Variants in TMEM114 observed in about 807,000 individuals in gnomAD.
TMEM114 encodes the protein claudin-26.
Under a neutral mutation model 6.2 loss-of-function variants are expected in TMEM114, and 6 were observed. The observed-to-expected ratio is 0.97, with a 90% CI of 0.53 to 1.91. The LOEUF is 1.91. TMEM114 is among the 40% of genes most tolerant of loss of function. The pLI is 0.01. For missense variants in TMEM114, 218 were observed against 158.3 expected (o/e 1.38, Z -2.02); for synonymous variants, 104 against 73.0 (o/e 1.42, Z -2.16).
At chr16:8,570,329 T>TC (rs1432181568) in intron 3 of TMEM114, among the ~76,000 whole-genome samples, 1 of 151,530 alleles carries the variant, frequency 6.6e-6, no homozygotes, top group East Asian at 1.9e-4. Context: ...TGTGTAATTT[T>TC]TTTTTAGACA....
At chr16:8,579,438 A>C (rs1902058772) in intron 2 of TMEM114, among the ~76,000 whole-genome samples, 1 of 151,980 alleles carries the variant, frequency 6.6e-6, no homozygotes, top group African/African-American at 2.4e-5. Flanking sequence ...CTGGTAAGGC[A>C]GTAGCTTTTA....
chr16:8,535,827 C>A (rs114024271), downstream of TMEM114, among the ~76,000 whole-genome samples: 43 of 152,300 alleles, frequency 2.8e-4, no homozygotes, highest in African/African-American at 9.4e-4. Flanking sequence ...ACACAAAGGG[C>A]TGAGAATCAC....
At chr16:8,553,167 G>A (rs1464764801) in intron 2 of TMEM114, among the ~76,000 whole-genome samples, 4 of 152,170 alleles carry the variant, frequency 2.6e-5, no homozygotes, top group Non-Finnish European at 5.9e-5. Flanking sequence ...TCATTCCTCT[G>A]GTCTGAGAAA....
chr16:8,569,008 G>T (rs576491650), downstream of TMEM114, among the ~76,000 whole-genome samples: 2 of 152,304 alleles, frequency 1.3e-5, no homozygotes, highest in South Asian at 4.1e-4. Context: ...TGAGTTTTTG[G>T]GCTTCACCCA....
intron 2 of TMEM114, among the ~76,000 whole-genome samples, chr16:8,553,254 C>T (rs1328895669): frequency 6.6e-6 from 1 of 152,194 alleles, no homozygotes; most frequent in Non-Finnish European, 1.5e-5. Flanking sequence ...ATTTAATGGG[C>T]ATTCTTTCAT....
intron 2 of TMEM114, among the ~76,000 whole-genome samples, chr16:8,585,458 T>C (rs1371723803): frequency 6.6e-6 from 1 of 152,126 alleles, no homozygotes; most frequent in African/African-American, 2.4e-5. Flanking sequence ...CCAGGATTTA[T>C]CTAGGAGGCT....
intron 2 of TMEM114, among the ~76,000 whole-genome samples, chr16:8,572,659 C>T (rs894927233): frequency 6.6e-6 from 1 of 152,204 alleles, no homozygotes; most frequent in African/African-American, 2.4e-5. Context: ...TGGTCTCAAA[C>T]TCCTGGGCCC....
chr16:8,551,319 C>G (rs1442336674), intron 2 of TMEM114, among the ~76,000 whole-genome samples: 1 of 152,206 alleles, frequency 6.6e-6, no homozygotes, highest in Non-Finnish European at 1.5e-5. Context: ...ATAAGTTAGT[C>G]AGACACCATG....
chr16:8,563,596 T>TGC (rs1901374104), intron 2 of TMEM114, among the ~76,000 whole-genome samples: 1 of 97,422 alleles, frequency 1.0e-5, no homozygotes. Flanking sequence ...TGAATGAGTG[T>TGC]GTGAATGAGT....
downstream of TMEM114, among the ~76,000 whole-genome samples, chr16:8,567,964 C>G (rs994966597): frequency 6.6e-5 from 10 of 152,270 alleles, no homozygotes; most frequent in East Asian, 1.9e-3. Flanking sequence ...TGCGCCTTTC[C>G]GGATTAGACA....
At chr16:8,550,384 A>G (rs1240907969) in intron 2 of TMEM114, among the ~76,000 whole-genome samples, 3 of 152,196 alleles carry the variant, frequency 2.0e-5, no homozygotes, top group Non-Finnish European at 4.4e-5. Context: ...TGGAATCTAA[A>G]ATCTGGTCCC....
chr16:8,564,881 G>C (rs1345369221), downstream of TMEM114, among the ~76,000 whole-genome samples: 2 of 36,894 alleles, frequency 5.4e-5, no homozygotes, highest in African/African-American at 2.5e-4. Flanking sequence ...GAGGGAGGGA[G>C]TGAATGAGTG....
rs11864067 is a variant in TMEM114, at chr16:8,541,960, C to T, written n.213-4134G>A. 3.9e-3 allele frequency among the ~76,000 whole-genome samples: 589 copies of T among 152,216 alleles called. 2 individuals are homozygous for T. The highest frequency in any genetic ancestry group is 0.014 in the African/African-American group (567 of 41,512). On this transcript the variant is annotated intron_variant and non_coding_transcript_variant, in intron 2 of 2. Transcript: ENST00000623677. The stretch of plus-strand genomic sequence containing the variant: ...GCTTAGAGAGATGTAGCACAGTGGC[C>T]CCATATGAACTTTACCTCTAAGGGA...
At chr16:8,572,856 T>C (rs1485701052) in intron 2 of TMEM114, among the ~76,000 whole-genome samples, 1 of 152,168 alleles carries the variant, frequency 6.6e-6, no homozygotes, top group African/African-American at 2.4e-5. Context: ...TGGCAGTGGT[T>C]TGGGCCTTGG....
At chr16:8,557,446 T>C (rs1257162321) in intron 2 of TMEM114, among the ~76,000 whole-genome samples, 1 of 152,166 alleles carries the variant, frequency 6.6e-6, no homozygotes. Flanking sequence ...CTCCACTGCC[T>C]GCTGTTCCAG....
At chr16:8,571,935 A>G (rs547667451) in intron 3 of TMEM114, among the ~76,000 whole-genome samples, 152 bp downstream of exon 3, 49 of 152,256 alleles carry the variant, frequency 3.2e-4, no homozygotes, top group East Asian at 7.7e-4. Context: ...CTGGGCTGGA[A>G]ACCACTCATC....
At chr16:8,551,033 C>G (rs560917141) in intron 2 of TMEM114, among the ~76,000 whole-genome samples, 1 of 152,320 alleles carries the variant, frequency 6.6e-6, no homozygotes, top group African/African-American at 2.4e-5. Flanking sequence ...GCAAAGGTGA[C>G]AGAGGTCTCC....
chr16:8,548,049 A>C (rs114290396), intron 2 of TMEM114, among the ~76,000 whole-genome samples: 11,610 of 152,196 alleles, frequency 0.076, 539 homozygotes, highest in Middle Eastern at 0.18. Context: ...TTTCATGAGG[A>C]AAGGGAAAGT....
chr16:8,548,012 C>G (rs538766542), intron 2 of TMEM114, among the ~76,000 whole-genome samples: 1 of 152,086 alleles, frequency 6.6e-6, no homozygotes, highest in Non-Finnish European at 1.5e-5. Flanking sequence ...AAGACTCTGG[C>G]CAAAACATTT....
Sources: allele counts gnomAD v4.1 joint callset (sites outside exome capture counted in the v4.1 genomes callset), GRCh38; gene constraint gnomAD v4.1.1; transcripts MANE v1.5; gene names NCBI Gene and HGNC (gene_info 2026-07-23, HGNC 2026-07-21).